The following DTNA variants were observed in gnomAD, a reference collection of about 807,000 sequenced individuals.
DTNA encodes the protein dystrophin-related protein 3.
Under a neutral mutation model 100.7 loss-of-function variants are expected in DTNA, and 43 were observed. The ratio of observed to expected loss-of-function variants is 0.43; its 90% CI spans 0.33 to 0.55. The LOEUF is 0.55. Ranked by LOEUF, DTNA falls within the 20% of genes least tolerant of loss-of-function variation. The pLI, the probability that DTNA is intolerant of heterozygous loss-of-function variation, is 0.04. For synonymous variants in DTNA, 349 were observed against 347.9 expected (o/e 1.00, Z -0.04); for missense variants, 798 against 953.9 (o/e 0.84, Z 2.15).
intron 1 of DTNA, among the ~76,000 whole-genome samples, chr18:34,700,157 T>C (rs1253864126): frequency 6.6e-6 from 1 of 152,166 alleles, no homozygotes; most frequent in Non-Finnish European, 1.5e-5. Context: ...TAAACATTCC[T>C]ACTCCAACTC....
chr18:34,786,069 T>A (rs1052144710), intron 3 of DTNA, among the ~76,000 whole-genome samples: 1 of 152,192 alleles, frequency 6.6e-6, no homozygotes, highest in African/African-American at 2.4e-5. Context: ...GGCCCACATG[T>A]GAGCTCCTTA....
chr18:34,732,552 G>C (rs1391522033), intron 1 of DTNA, among the ~76,000 whole-genome samples: 1 of 152,194 alleles, frequency 6.6e-6, no homozygotes, highest in Non-Finnish European at 1.5e-5. Flanking sequence ...CCCTGTGAGA[G>C]CACCTCCCTG....
intron 5 of DTNA, among the ~76,000 whole-genome samples, chr18:34,807,579 C>A (rs546459951): frequency 6.6e-5 from 10 of 152,184 alleles, no homozygotes; most frequent in African/African-American, 2.4e-4. Flanking sequence ...CCTGGAGATG[C>A]TCCAGGGATG....
intron 9 of DTNA, chr18:34,825,172 T>C: frequency 6.6e-7 from 1 of 1,522,526 alleles, no homozygotes; most frequent in Non-Finnish European, 9.1e-7. Flanking sequence ...TGGTGACATT[T>C]TGGTATTTTG....
chr18:34,519,072 T>A (rs572698848), intron 1 of DTNA, among the ~76,000 whole-genome samples: 1 of 152,126 alleles, frequency 6.6e-6, no homozygotes, highest in South Asian at 2.1e-4. Flanking sequence ...GAGTCAAAGG[T>A]AAACAAAGTG....
At chr18:34,801,000 T>C (rs1190272669) in intron 4 of DTNA, among the ~76,000 whole-genome samples, 1 of 144,872 alleles carries the variant, frequency 6.9e-6, no homozygotes, top group African/African-American at 2.9e-5. Context: ...TTCTTTATTA[T>C]GACAAGTCAA....
intron 17 of DTNA, 133 bp downstream of exon 17, chr18:34,864,195 T>A: frequency 1.3e-6 from 1 of 757,234 alleles, no homozygotes; most frequent in Non-Finnish European, 2.2e-6. Context: ...AGCTCAGATG[T>A]AAAACAATTT....
chr18:34,802,487 T>C (rs2095249246), intron 4 of DTNA, among the ~76,000 whole-genome samples: 1 of 152,214 alleles, frequency 6.6e-6, no homozygotes. Flanking sequence ...CTGATGAGCA[T>C]AGCTCCTAAA....
chr18:34,603,767 C>A (rs1047396109), intron 1 of DTNA, among the ~76,000 whole-genome samples: 1 of 152,084 alleles, frequency 6.6e-6, no homozygotes, highest in Non-Finnish European at 1.5e-5. Flanking sequence ...GATCACACAT[C>A]GTTAAATTTA....
At chr18:34,631,477 A>G (rs1231326646) in intron 1 of DTNA, among the ~76,000 whole-genome samples, 2 of 152,216 alleles carry the variant, frequency 1.3e-5, no homozygotes, top group East Asian at 3.8e-4. Context: ...AGCAAGTGTC[A>G]CTGTTGATAT....
chr18:34,669,184 C>T (rs2076382034), intron 1 of DTNA, among the ~76,000 whole-genome samples: 1 of 152,136 alleles, frequency 6.6e-6, no homozygotes, highest in Non-Finnish European at 1.5e-5. Flanking sequence ...TATGTAATGG[C>T]CTTCTTTGTC....
At chr18:34,674,342 C>T (rs990796952) in intron 1 of DTNA, among the ~76,000 whole-genome samples, 68 of 152,198 alleles carry the variant, frequency 4.5e-4, no homozygotes, top group African/African-American at 1.6e-3. Flanking sequence ...GTAAAGACAT[C>T]CAAGACCTTC....
chr18:34,879,817 C>A, intron 20 of DTNA, 98 bp downstream of exon 20: 2 of 1,463,832 alleles, frequency 1.4e-6, no homozygotes, highest in Non-Finnish European at 1.9e-6. Context: ...TTTTTTTAAC[C>A]TTCAGAAGGG....
At chr18:34,646,297 CTT>C (rs1209275948) in intron 1 of DTNA, among the ~76,000 whole-genome samples, 1 of 152,088 alleles carries the variant, frequency 6.6e-6, no homozygotes, top group Non-Finnish European at 1.5e-5. Flanking sequence ...TGGCAATAAA[CTT>C]ATTTTCTAGA....
At position 34,829,439 on chromosome 18, in the gene DTNA, A is replaced by G; in HGVS notation, c.1125A>G (p.Glu375=). 6.5e-7 allele frequency: 1 copy of G among 1,534,750 alleles called. No homozygotes were observed. The highest frequency in any genetic ancestry group is 8.7e-7 in the Non-Finnish European group (1 of 1,146,232). ...EGISASSPVA[E]EHSLIKLYVN... Reference sequence around the variant, plus strand: ...TAAGTGCATCCAGCCCTGTGGCTGAAGAGCATTCCCTCATAAAGCTGTACG... The same window carrying G: ...TAAGTGCATCCAGCCCTGTGGCTGAGGAGCATTCCCTCATAAAGCTGTACG... Residue 375 remains glutamate (E), a synonymous_variant, in exon 11 of 23, where the codon GAA becomes GAG. Coordinates refer to ENST00000444659, the MANE Select transcript of DTNA (RefSeq NM_001386795.1).
chr18:34,761,749 T>C (rs2093185830), intron 2 of DTNA, among the ~76,000 whole-genome samples: 1 of 152,218 alleles, frequency 6.6e-6, no homozygotes, highest in Non-Finnish European at 1.5e-5. Context: ...TTCAAATATA[T>C]GTAGAAGTAG....
intron 1 of DTNA, among the ~76,000 whole-genome samples, chr18:34,597,270 G>A (rs1216482782): frequency 6.6e-6 from 1 of 152,006 alleles, no homozygotes; most frequent in East Asian, 1.9e-4. Flanking sequence ...CATCCCACAA[G>A]CATCCTTCAC....
chr18:34,858,753 G>A (rs1428040239), intron 16 of DTNA, among the ~76,000 whole-genome samples: 1 of 152,174 alleles, frequency 6.6e-6, no homozygotes, highest in Non-Finnish European at 1.5e-5. Context: ...TAAGATTACA[G>A]GCATGCGCCA....
Position 34,587,148 on chromosome 18 carries a change from A to ATTTTTT in DTNA, c.-2+93641_-2+93646dup, listed in dbSNP as rs773119244. ...AGGTAAATGCCACCATGCCTGGCTAATTTTTTTTTTTTGTAGAGATGGGGT... is the reference window on the plus strand; with the variant it reads ...AGGTAAATGCCACCATGCCTGGCTAATTTTTTTTTTTTTTTTTTGTAGAGATGGGGT... On this transcript the variant is annotated intron_variant, in intron 1 of 19. Transcript: ENST00000283365. 7.0e-4 allele frequency among the ~76,000 whole-genome samples: 102 copies of ATTTTTT among 145,524 alleles called. 1 individual carries two copies. Among genetic ancestry groups the ATTTTTT allele is most frequent in the African/African-American group, 1.2e-3 (49 of 39,596 alleles).
Sources: gnomAD v4.1 joint callset for allele counts (sites outside exome capture counted in the v4.1 genomes callset) on GRCh38, gnomAD v4.1.1 for gene constraint, MANE v1.5 for transcripts, NCBI Gene and HGNC (gene_info 2026-07-23, HGNC 2026-07-21) for gene names.